The following FGD6 variants were observed in gnomAD, a reference collection of about 807,000 sequenced individuals.
FGD6 encodes FYVE, RhoGEF and PH domain containing 6.
In FGD6, 90 loss-of-function variants were observed where a neutral mutation model predicts 149.4. The observed-to-expected ratio is 0.60, with a 90% confidence interval of 0.51 to 0.72. The LOEUF is 0.72. Ranked by LOEUF, FGD6 falls within the 30% of genes least tolerant of loss-of-function variation. The pLI is 0.00. For missense variants in FGD6, 1,437 were observed against 1,684.8 expected, an observed-to-expected ratio of 0.85 and a Z score of 2.57; for synonymous variants, 527 against 584.0, an observed-to-expected ratio of 0.90 and a Z score of 1.41.
At chr12:95,090,205 AG>A (rs1878008293) in intron 17 of FGD6, among the ~76,000 whole-genome samples, 1 of 152,110 alleles carries the variant, frequency 6.6e-6, no homozygotes, top group African/African-American at 2.4e-5. Flanking sequence ...TAAAACAAGC[AG>A]GAGGAACACT....
intron 5 of FGD6, among the ~76,000 whole-genome samples, chr12:95,148,583 T>C (rs1431674907): frequency 2.2e-5 from 3 of 137,276 alleles, no homozygotes; most frequent in Non-Finnish European, 4.6e-5. Context: ...ATACATAGCA[T>C]ATATTATATA....
intron 9 of FGD6, among the ~76,000 whole-genome samples, 188 bp from the exon 10 acceptor site, chr12:95,108,749 C>G (rs1163916285): frequency 1.3e-5 from 2 of 152,100 alleles, no homozygotes; most frequent in Non-Finnish European, 1.5e-5. Context: ...CCAAACAACA[C>G]CACCACCACC....
At position 95,078,048 on chromosome 12, in the gene FGD6, TC is replaced by T. The variant is rs1260812237; in HGVS notation, c.*3471del. On this transcript the variant is annotated 3_prime_UTR_variant, in exon 21 of 21. Coordinates refer to ENST00000343958, the MANE Select transcript of FGD6 (RefSeq NM_018351.4). ...ACAAATATTTTCTCTTTAAAGACCC[TC>T]CTAGGAAGCCAGGCCTGGTGGTGCA... is the stretch of plus-strand genomic sequence containing the variant. 6.6e-6 allele frequency: 1 copy of T among 152,108 alleles called. No individual in the cohort carries two copies. Among genetic ancestry groups the T allele is most frequent in the East Asian group, 1.9e-4 (1 of 5,186 alleles). 9.4% of individuals were successfully genotyped at this position (152,108 alleles called of 1,614,324 possible).
At chr12:95,161,214 G>A (rs1300340262) in intron 3 of FGD6, among the ~76,000 whole-genome samples, 4 of 151,590 alleles carry the variant, frequency 2.6e-5, no homozygotes, top group Non-Finnish European at 4.4e-5. Context: ...ACCCACTTGT[G>A]GCTGGGCCAA....
chr12:95,186,474 A>G, intron 2 of FGD6, among the ~76,000 whole-genome samples: 1 of 148,056 alleles, frequency 6.8e-6, no homozygotes, highest in East Asian at 2.0e-4. Context: ...CTGGGATTAT[A>G]GGCATGAGCC....
chr12:95,209,558 A>G lies in FGD6; in HGVS notation c.1726T>C (p.Phe576Leu). 6.2e-7 allele frequency: 1 copy of G among 1,614,064 alleles called. No individual in the cohort carries two copies. The highest frequency in any genetic ancestry group is 1.3e-5 in the African/African-American group (1 of 75,010). The change falls in exon 2 of 21, where the codon TTT becomes CTT. Residue 576 changes from phenylalanine (F) to leucine (L), a missense_variant. Physicochemically the swap from Phe to Leu is conservative, Grantham distance 22 (BLOSUM62 0). This residue lies in a region of FGD6 where 1,055 missense variants were observed against 1,146.0 expected (regional missense o/e 0.92). Transcript: ENST00000343958. ...VWKLPHPILP[F>L]SGNPEFLKSV... ...TTTAAGAATTCTGGGTTCCCTGAAA[A>G]GGGTAAAATAGGATGAGGTAACTTC... is the stretch of plus-strand genomic sequence containing the variant.
At chr12:95,158,161 CACT>C (rs1307582701) in intron 3 of FGD6, among the ~76,000 whole-genome samples, 1 of 99,922 alleles carries the variant, frequency 1.0e-5, no homozygotes, top group African/African-American at 4.1e-5. Flanking sequence ...TACATTCACT[CACT>C]TTTTTTTTTT....
intron 2 of FGD6, among the ~76,000 whole-genome samples, chr12:95,203,733 C>T (rs1192467447): frequency 1.3e-5 from 2 of 152,154 alleles, no homozygotes; most frequent in African/African-American, 4.8e-5. Context: ...ACCCAATTAT[C>T]ATACTTTTTC....
chr12:95,090,116 T>C (rs1878004249), intron 17 of FGD6, among the ~76,000 whole-genome samples: 1 of 152,032 alleles, frequency 6.6e-6, no homozygotes, highest in South Asian at 2.1e-4. Flanking sequence ...TGAATTCTGA[T>C]TGCAGAGGGT....
At chr12:95,211,542 CTT>C (rs59361079) in intron 1 of FGD6, among the ~76,000 whole-genome samples, 16 of 142,392 alleles carry the variant, frequency 1.1e-4, no homozygotes, top group Admixed American at 2.1e-4. Flanking sequence ...TCTTTTTCTT[CTT>C]TTTTTTTTTT....
At chr12:95,102,028 A>C (rs1041269346) in intron 14 of FGD6, among the ~76,000 whole-genome samples, 1 of 150,148 alleles carries the variant, frequency 6.7e-6, no homozygotes, top group Non-Finnish European at 1.5e-5. Context: ...TCAAAAACGA[A>C]AAAAGGGCTG....
chr12:95,167,585 T>TC (rs2136281060), intron 3 of FGD6, among the ~76,000 whole-genome samples: 1 of 151,326 alleles, frequency 6.6e-6, no homozygotes, highest in African/African-American at 2.4e-5. Context: ...AGGTTTTTTT[T>TC]TTTTTTTGAG....
chr12:95,150,096 C>T (rs1484024013), intron 5 of FGD6, among the ~76,000 whole-genome samples: 2 of 150,624 alleles, frequency 1.3e-5, no homozygotes, highest in South Asian at 2.1e-4. Context: ...GGCACAATCT[C>T]GACTCACCGC....
intron 5 of FGD6, among the ~76,000 whole-genome samples, chr12:95,142,930 T>C (rs1398726409): frequency 6.6e-6 from 1 of 152,142 alleles, no homozygotes; most frequent in East Asian, 1.9e-4. Flanking sequence ...CCGCACCCTA[T>C]TACTCCAGAG....
chr12:95,147,984 GA>G (rs1244859426), intron 5 of FGD6, among the ~76,000 whole-genome samples: 1 of 152,048 alleles, frequency 6.6e-6, no homozygotes, highest in Admixed American at 6.6e-5. Context: ...GGCATCTAAA[GA>G]GAAGGAAATA....
chr12:95,107,093 G>C lies in FGD6; in HGVS notation c.3334-56C>G, dbSNP rs552577269. ...TAAAGAAACACATTACTGCCACAAA[G>C]ATTTTGACAAGATACAAGATTAAAG... On this transcript the variant is annotated intron_variant, in intron 12 of 20. Coordinates refer to ENST00000343958, the MANE Select transcript of FGD6 (RefSeq NM_018351.4). 67 of 1,263,422 alleles carry C rather than the reference G, an allele frequency of 5.3e-5. No individual in the cohort carries two copies. In the South Asian group the frequency reaches 8.1e-4, roughly 15 times the overall value. The allele number at this position is 1,263,422 out of a possible 1,614,324, so 78.3% of individuals were successfully genotyped here.
At chr12:95,113,231 C>CT (rs11343496) in intron 9 of FGD6, among the ~76,000 whole-genome samples, 19,153 of 109,612 alleles carry the variant, frequency 0.17, 2,143 homozygotes, top group African/African-American at 0.33. Context: ...GGCCTCAAGT[C>CT]TTTTTTTTTT....
intron 2 of FGD6, among the ~76,000 whole-genome samples, chr12:95,182,617 A>T (rs1242868983): frequency 6.6e-6 from 1 of 152,236 alleles, no homozygotes; most frequent in East Asian, 1.9e-4. Context: ...CTATTTTAGG[A>T]GGCAGATGAA....
chr12:95,131,108 GTTTTT>G (rs59897965), intron 8 of FGD6, among the ~76,000 whole-genome samples: 8 of 128,348 alleles, frequency 6.2e-5, no homozygotes, highest in African/African-American at 1.7e-4. Flanking sequence ...TGGCTAAAGA[GTTTTT>G]TTTTTTTTTT....
Sources: allele counts gnomAD v4.1 joint callset (sites outside exome capture counted in the v4.1 genomes callset), GRCh38; gene constraint gnomAD v4.1.1; regional missense constraint gnomAD v4.1.1; transcripts MANE v1.5; gene names NCBI Gene and HGNC (gene_info 2026-07-23, HGNC 2026-07-21).